Variants in CNIH3 observed in about 807,000 individuals in gnomAD.
CNIH3 encodes cornichon family AMPA receptor auxiliary protein 3, also known as protein cornichon homolog 3.
A neutral mutation model predicts 24.1 loss-of-function variants in CNIH3; 14 were observed. The ratio of observed to expected loss-of-function variants is 0.58; its 90% confidence interval spans 0.38 to 0.91. The LOEUF (loss-of-function observed/expected upper bound fraction) is 0.91. CNIH3 is among the 40% of genes least tolerant of loss of function. The pLI is 0.00. For synonymous variants in CNIH3, 68 were observed against 73.8 expected (o/e 0.92, Z 0.40); for missense variants, 178 against 196.8 (o/e 0.90, Z 0.57).
rs115747144 is a variant in CNIH3 at position 224,559,488 on chromosome 1, C to A, written n.451-6711C>A. Among the ~76,000 whole-genome samples, 608 of 152,206 alleles carry A rather than the reference C, an allele frequency of 4.0e-3. 1 individual carries two copies. Among genetic ancestry groups the A allele is most frequent in the African/African-American group, 0.014 (573 of 41,528 alleles). On this transcript the variant is annotated intron_variant and non_coding_transcript_variant, in intron 3 of 5. Transcript: ENST00000471578. ...CGAGGGATCCTCCTGCCTCAGCCTTCCAAGTAGTTAGAACTACAGGCACAT... is the reference window on the plus strand; with the variant it reads ...CGAGGGATCCTCCTGCCTCAGCCTTACAAGTAGTTAGAACTACAGGCACAT...
At chr1:224,489,355 C>T (rs1225941944) in intron 1 of CNIH3, among the ~76,000 whole-genome samples, 1 of 152,162 alleles carries the variant, frequency 6.6e-6, no homozygotes, top group Non-Finnish European at 1.5e-5. Flanking sequence ...CAGGATTTCC[C>T]CCACTTTGCT....
intron 1 of CNIH3, among the ~76,000 whole-genome samples, chr1:224,518,310 A>T (rs1295346005): frequency 2.6e-5 from 4 of 152,198 alleles, no homozygotes; most frequent in Non-Finnish European, 5.9e-5. Flanking sequence ...GCCTGCCTTC[A>T]GACCTTGTCT....
chr1:224,479,302 C>T (rs1032011602), intron 1 of CNIH3, among the ~76,000 whole-genome samples: 7 of 152,022 alleles, frequency 4.6e-5, no homozygotes, highest in South Asian at 2.1e-4. Flanking sequence ...TAGAGGCATG[C>T]GTCACCACGC....
chr1:224,552,798 G>A (rs989671218), intron 3 of CNIH3, among the ~76,000 whole-genome samples: 9 of 148,414 alleles, frequency 6.1e-5, no homozygotes, highest in Non-Finnish European at 9.0e-5. Context: ...ATATATCTCC[G>A]TTAGATACTA....
intron 1 of CNIH3, among the ~76,000 whole-genome samples, chr1:224,635,400 G>A (rs556566885): frequency 1.3e-5 from 2 of 152,298 alleles, no homozygotes; most frequent in East Asian, 3.9e-4. Flanking sequence ...CTGTGTGCTG[G>A]CACCTCTGTT....
At chr1:224,582,422 G>T (rs1335029446) in intron 4 of CNIH3, among the ~76,000 whole-genome samples, 1 of 149,224 alleles carries the variant, frequency 6.7e-6, no homozygotes, top group Non-Finnish European at 1.5e-5. Flanking sequence ...ACAGAGCACG[G>T]TTTTTTTTTT....
intron 3 of CNIH3, among the ~76,000 whole-genome samples, chr1:224,602,941 G>C (rs1207347015): frequency 6.6e-6 from 1 of 152,162 alleles, no homozygotes; most frequent in Non-Finnish European, 1.5e-5. Flanking sequence ...AATAAATTTA[G>C]AGTTTATTTA....
At chr1:224,591,824 C>T (rs1681768007), downstream of CNIH3, among the ~76,000 whole-genome samples, 1 of 152,158 alleles carries the variant, frequency 6.6e-6, no homozygotes, top group Non-Finnish European at 1.5e-5. Flanking sequence ...ACCTTGGTGC[C>T]TGATCTGTCT....
At position 224,560,841 on chromosome 1, in the gene CNIH3, C is replaced by T. The variant is rs115361980; in HGVS notation, n.451-5358C>T. 8.1e-3 allele frequency among the ~76,000 whole-genome samples: 1,229 copies of T among 152,148 alleles called. 17 individuals are homozygous for T. Among genetic ancestry groups the T allele is most frequent in the African/African-American group, 0.028 (1,146 of 41,508 alleles). ...CACTTGAATCATCCTGAAACCATTC[C>T]CCTGGGTCTGTGGGAAAATTGTCTT... is the stretch of plus-strand genomic sequence containing the variant. On this transcript the variant is annotated intron_variant and non_coding_transcript_variant, in intron 3 of 5. Transcript: ENST00000471578.
At chr1:224,523,874 C>G (rs1290344704) in intron 2 of CNIH3, among the ~76,000 whole-genome samples, 1 of 152,018 alleles carries the variant, frequency 6.6e-6, no homozygotes, top group Non-Finnish European at 1.5e-5. Context: ...TTCACTGATG[C>G]AGAGGTTAAA....
chr1:224,573,906 T>G (rs1013528756), intron 4 of CNIH3, among the ~76,000 whole-genome samples: 1 of 152,248 alleles, frequency 6.6e-6, no homozygotes, highest in Non-Finnish European at 1.5e-5. Flanking sequence ...GGTATTTCCC[T>G]TTTTCATATG....
intron 3 of CNIH3, among the ~76,000 whole-genome samples, chr1:224,696,865 C>G (rs1687203468): frequency 6.6e-6 from 1 of 151,970 alleles, no homozygotes; most frequent in Non-Finnish European, 1.5e-5. Flanking sequence ...TCTCTGCATT[C>G]CTGCCTGAGA....
chr1:224,668,281 A>G (rs1685693956), intron 1 of CNIH3, among the ~76,000 whole-genome samples: 2 of 152,200 alleles, frequency 1.3e-5, no homozygotes, highest in Non-Finnish European at 2.9e-5. Flanking sequence ...GCGTTCCTTT[A>G]TACATATTCT....
In CNIH3 at chr1:224,459,850, G is replaced by A. The variant is rs1443415370; in HGVS notation, n.203+24988G>A. On this transcript the variant is annotated intron_variant and non_coding_transcript_variant, in intron 1 of 5. Transcript: ENST00000471578. Reference sequence around the variant, plus strand: ...TTCAGTTCCCCTGCACACCCTGGGCGGGGAGGGGTTGTTAGAGTCATGGAA... The same window carrying A: ...TTCAGTTCCCCTGCACACCCTGGGCAGGGAGGGGTTGTTAGAGTCATGGAA... 4.6e-5 allele frequency among the ~76,000 whole-genome samples: 7 copies of A among 151,610 alleles called. No homozygotes were observed. In the South Asian group the frequency reaches 6.3e-4, roughly 14 times the overall value.
chr1:224,683,372 C>T (rs907580450), intron 2 of CNIH3, among the ~76,000 whole-genome samples: 3 of 152,184 alleles, frequency 2.0e-5, no homozygotes, highest in East Asian at 1.9e-4. Context: ...CACATTTTCC[C>T]AGTTCTTATG....
At chr1:224,644,570 G>T (rs750369905) in intron 1 of CNIH3, among the ~76,000 whole-genome samples, 3 of 152,104 alleles carry the variant, frequency 2.0e-5, no homozygotes, top group Non-Finnish European at 4.4e-5. Context: ...AATCAAGGGA[G>T]CAAAAAAGCA....
rs183652925 is a variant in CNIH3, at chr1:224,505,932, C to T, written n.204-9809C>T. On this transcript the variant is annotated intron_variant and non_coding_transcript_variant, in intron 1 of 5. Coordinates refer to the CNIH3 transcript ENST00000471578. ...GTACATTGATCCCTGTGACCTATTG[C>T]ACTAAAAGTTTGGTTATTTCTCTTG... 7.2e-5 allele frequency among the ~76,000 whole-genome samples: 11 copies of T among 152,292 alleles called. No individual in the cohort carries two copies. The East Asian group carries it at 2.1e-3, about 29-fold the overall frequency.
chr1:224,545,436 G>A (rs1419694053), intron 2 of CNIH3, among the ~76,000 whole-genome samples: 1 of 152,164 alleles, frequency 6.6e-6, no homozygotes, highest in East Asian at 1.9e-4. Context: ...TTAAAAATAC[G>A]TATTTCACAA....
Position 224,684,722 on chromosome 1 carries a change from T to G in CNIH3, c.151-74T>G. 7.3e-7 allele frequency: 1 copy of G among 1,361,772 alleles called. No individual in the cohort carries two copies. Among genetic ancestry groups the G allele is most frequent in the East Asian group, 2.3e-5 (1 of 43,638 alleles). The allele number at this position is 1,361,772 out of a possible 1,614,324, so 84.4% of individuals were successfully genotyped here. A position where few individuals can be genotyped will look rare whatever the true frequency, so the allele number is the denominator to read the frequency against. Reference sequence around the variant, plus strand: ...TTCTGCCTCCACTATTGGGGCTGATTGCGGGGCCTTCTCATGCTATTTTAG... The same window carrying G: ...TTCTGCCTCCACTATTGGGGCTGATGGCGGGGCCTTCTCATGCTATTTTAG... On this transcript the variant is annotated intron_variant, in intron 2 of 5. Transcript: ENST00000272133. The surrounding 1 kb of genome is among the most constrained non-coding windows in gnomAD (Gnocchi z 4.2).
Sources: gnomAD v4.1 joint callset for allele counts (sites outside exome capture counted in the v4.1 genomes callset) on GRCh38, gnomAD v4.1.1 for gene constraint, Gnocchi (gnomAD v3.1) non-coding constraint, MANE v1.5 for transcripts, NCBI Gene and HGNC (gene_info 2026-07-23, HGNC 2026-07-21) for gene names.